KIAA1671: variants seen among roughly 807,000 people sequenced by gnomAD.
KIAA1671 encodes KIAA1671, also known as uncharacterized protein KIAA1671.
A neutral mutation model predicts 131.2 loss-of-function variants in KIAA1671; 52 were observed. The ratio of observed to expected loss-of-function variants is 0.40; its 90% CI spans 0.32 to 0.50. The LOEUF (loss-of-function observed/expected upper bound fraction) is 0.50, where lower values mean the gene tolerates loss of function less well. KIAA1671 is among the 20% of genes least tolerant of loss of function. The pLI is 0.73. For missense variants in KIAA1671, 2,360 were observed against 2,364.2 expected (o/e 1.00, Z 0.04); for synonymous variants, 1,003 against 961.6 (o/e 1.04, Z -0.80).
intron 1 of KIAA1671, among the ~76,000 whole-genome samples, chr22:24,980,456 G>C (rs1923169175): frequency 6.6e-6 from 1 of 151,594 alleles, no homozygotes; most frequent in African/African-American, 2.4e-5. Context: ...ATTTTTAGTA[G>C]AGACGGGGTT....
chr22:25,041,949 G>T (rs1268645318), intron 5 of KIAA1671, among the ~76,000 whole-genome samples: 1 of 152,078 alleles, frequency 6.6e-6, no homozygotes, highest in African/African-American at 2.4e-5. Context: ...TTGCCATGTT[G>T]CCCAGGCTGG....
At chr22:24,956,684 G>A (rs1921717617) in intron 1 of KIAA1671, among the ~76,000 whole-genome samples, 1 of 151,800 alleles carries the variant, frequency 6.6e-6, no homozygotes, top group Non-Finnish European at 1.5e-5. Context: ...GGCTAACACG[G>A]TGAAACCCCG....
At chr22:24,980,877 G>C (rs1254556532) in intron 1 of KIAA1671, among the ~76,000 whole-genome samples, 3 of 151,980 alleles carry the variant, frequency 2.0e-5, no homozygotes, top group African/African-American at 7.2e-5. Flanking sequence ...CTCCTGAGTA[G>C]CTGGGATTAC....
intron 6 of KIAA1671, chr22:25,056,468 G>A (rs1468735641): frequency 1.3e-5 from 2 of 148,954 alleles, no homozygotes; most frequent in East Asian, 4.0e-4. Context: ...TGACATCTCC[G>A]TGCCTCAGTT....
At chr22:25,109,551 G>A (rs1045637108) in intron 6 of KIAA1671, among the ~76,000 whole-genome samples, 2 of 152,198 alleles carry the variant, frequency 1.3e-5, no homozygotes, top group African/African-American at 4.8e-5. Flanking sequence ...ATTACTGATG[G>A]TCATCTTGGA....
chr22:25,040,069 T>C lies in KIAA1671; in HGVS notation c.2939T>C (p.Val980Ala). The C allele has an allele frequency of 6.4e-7, 1 of 1,551,704 alleles. No homozygotes were observed. The highest frequency in any genetic ancestry group is 8.7e-7 in the Non-Finnish European group (1 of 1,147,004). The change falls in exon 5 of 13, where the codon GTG (valine) becomes GCG (alanine). Residue 980 changes from valine to alanine, a missense_variant. This residue lies in a region of KIAA1671 where 1,161 missense variants were observed against 1,204.7 expected (regional missense o/e 0.96). Transcript: ENST00000358431. ...PHVGHRRTDY[V>A]SPTASALRKP... is the part of the protein sequence containing the mutation. Reference sequence around the variant, plus strand: ...GTGGGGCACAGACGAACAGATTATGTGAGCCCCACAGCCAGTGCCTTAAGA... The same window carrying C: ...GTGGGGCACAGACGAACAGATTATGCGAGCCCCACAGCCAGTGCCTTAAGA...
Position 25,152,260 on chromosome 22 carries a change from T to G in KIAA1671, c.4531-18560T>G, listed in dbSNP as rs578125262. On this transcript the variant is annotated intron_variant, in intron 6 of 12. Transcript: ENST00000358431. ...CACACACCTGCATAATCAGAACAAC[T>G]TTTAGCAGTAGAGTGACTGGGACCC... Among the ~76,000 whole-genome samples the G allele has an allele frequency of 6.6e-5, 10 of 152,316 alleles. No homozygotes were observed. The East Asian group carries it at 1.5e-3, about 24-fold the overall frequency.
rs978247729 is a variant in KIAA1671, at chr22:25,195,798, C to T, written c.*3397C>T. The T allele has an allele frequency of 6.6e-6, 1 of 151,780 alleles. No individual in the cohort carries two copies. 9.4% of individuals were successfully genotyped at this position (151,780 alleles called of 1,614,324 possible). A position where few individuals can be genotyped will look rare whatever the true frequency, so the allele number is the denominator to read the frequency against. On this transcript the variant is annotated 3_prime_UTR_variant, in exon 13 of 13. Coordinates refer to ENST00000358431, the MANE Select transcript of KIAA1671 (RefSeq NM_001145206.2). ...AGTCGTAATTGCAAACTGTAAAAAT[C>T]CCTCCTCCCCAGTGTAGATATTTAA...
chr22:25,046,012 C>T (rs1927206958), intron 5 of KIAA1671, among the ~76,000 whole-genome samples: 1 of 151,910 alleles, frequency 6.6e-6, no homozygotes, highest in African/African-American at 2.4e-5. Context: ...GTGTTAGAAA[C>T]AGGGTTGTGC....
At chr22:25,098,166 C>T (rs1568954008) in intron 6 of KIAA1671, among the ~76,000 whole-genome samples, 3 of 152,182 alleles carry the variant, frequency 2.0e-5, no homozygotes, top group Admixed American at 6.5e-5. Context: ...ACAGAGAAGG[C>T]ACTTTACTTG....
rs3062983 is a variant in KIAA1671 at position 25,105,819 on chromosome 22, T to TGGG, written c.4530+56465_4530+56467dup. On this transcript the variant is annotated intron_variant, in intron 6 of 12. Coordinates refer to ENST00000358431, the MANE Select transcript of KIAA1671 (RefSeq NM_001145206.2). ...ATATAGCTTGTCACAGGTATGAAGT[T>TGGG]GGGGGGGGGGGGTGCCAAACTCCAC... 2.2e-4 allele frequency among the ~76,000 whole-genome samples: 30 copies of TGGG among 137,416 alleles called. 1 individual carries two copies. The highest frequency in any genetic ancestry group is 3.5e-4 in the Non-Finnish European group (22 of 63,596). The allele number at this position is 137,416 out of a possible 152,430, so 90.2% of individuals were successfully genotyped here. A position where few individuals can be genotyped will look rare whatever the true frequency, so the allele number is the denominator to read the frequency against.
chr22:25,039,972 C>T lies in KIAA1671; in HGVS notation c.2842C>T (p.Arg948Trp), dbSNP rs1206312822. ...CATGGACCAGAGAATGGACAGATGG[C>T]GGCGGCGGACTTTACCCCCCAACGT... Reference protein sequence around the residue: ...GAMDQRMDRWRRRTLPPNVKF... With the variant: ...GAMDQRMDRWWRRTLPPNVKF... Residue 948 changes from arginine (R) to tryptophan (W), a missense_variant, in exon 5 of 13, where the codon CGG becomes TGG. By Grantham distance (101) the Arg-to-Trp change is moderately radical. Coordinates refer to ENST00000358431, the MANE Select transcript of KIAA1671 (RefSeq NM_001145206.2). The T allele has an allele frequency of 1.9e-5, 29 of 1,550,874 alleles. No individual in the cohort carries two copies. The highest frequency in any genetic ancestry group is 5.5e-5 in the African/African-American group (4 of 73,050).
intron 6 of KIAA1671, among the ~76,000 whole-genome samples, chr22:25,109,847 G>C (rs917713672): frequency 2.0e-5 from 3 of 152,188 alleles, no homozygotes; most frequent in Non-Finnish European, 2.9e-5. Flanking sequence ...GCTGGATGTG[G>C]TGGCTCATGC....
chr22:25,046,880 T>C (rs1272053127), intron 5 of KIAA1671, among the ~76,000 whole-genome samples: 1 of 152,078 alleles, frequency 6.6e-6, no homozygotes, highest in Non-Finnish European at 1.5e-5. Flanking sequence ...TTGTTAGTTA[T>C]GAAGGCTCCC....
chr22:24,965,101 TAA>T (rs3063196), intron 1 of KIAA1671, among the ~76,000 whole-genome samples: 60 of 140,776 alleles, frequency 4.3e-4, no homozygotes, highest in South Asian at 1.6e-3. Flanking sequence ...AGTAGGCTCT[TAA>T]AAAAAAAAAA....
chr22:25,055,063 T>G (rs1204993138), intron 6 of KIAA1671: 2 of 149,784 alleles, frequency 1.3e-5, no homozygotes, highest in Non-Finnish European at 3.0e-5. Context: ...ACTGTGGCCC[T>G]TTGCTTCTGA....
intron 1 of KIAA1671, chr22:25,023,506 T>C (rs1286346132): frequency 6.6e-6 from 1 of 152,222 alleles, no homozygotes; most frequent in Non-Finnish European, 1.5e-5. Context: ...GTGTAACATA[T>C]GTGATAACAT....
chr22:24,999,793 G>T (rs565122903), intron 1 of KIAA1671, among the ~76,000 whole-genome samples: 1 of 149,940 alleles, frequency 6.7e-6, no homozygotes, highest in Admixed American at 6.7e-5. Context: ...AAACTTCTGG[G>T]CTCAAGCGAT....
intron 6 of KIAA1671, among the ~76,000 whole-genome samples, chr22:25,150,834 T>C (rs953618938): frequency 7.0e-6 from 1 of 143,662 alleles, no homozygotes; most frequent in Non-Finnish European, 1.5e-5. Flanking sequence ...CTGGGTCCTT[T>C]GCTTTTTTTT....
Sources: gnomAD v4.1 joint callset for allele counts (sites outside exome capture counted in the v4.1 genomes callset) on GRCh38, gnomAD v4.1.1 for gene constraint, gnomAD v4.1.1 regional missense constraint, MANE v1.5 for transcripts, NCBI Gene and HGNC (gene_info 2026-07-23, HGNC 2026-07-21) for gene names.